RALGAPB: variants seen among roughly 807,000 people sequenced by gnomAD.
RALGAPB encodes Ral GTPase activating protein non-catalytic subunit beta.
RALGAPB carries 25 observed loss-of-function variants against 161.1 expected under a neutral mutation model. The observed-to-expected ratio is 0.16, with a 90% CI of 0.11 to 0.22. RALGAPB has a LOEUF of 0.22. Ranked by LOEUF, RALGAPB falls within the 10% of genes least tolerant of loss-of-function variation. The probability of loss-of-function intolerance (pLI) is 1.00; values close to 1 mark genes in which losing one functional copy is unlikely to be tolerated. For synonymous variants in RALGAPB, 629 were observed against 626.1 expected (o/e 1.00, Z -0.07); for missense variants, 1,391 against 1,815.2 (o/e 0.77, Z 4.25).
In RALGAPB at chr20:38,525,991, A is replaced by G; in HGVS notation, c.1999A>G (p.Ile667Val). Residue 667 changes from isoleucine to valine, a missense_variant, in exon 13 of 30, where the codon ATA (isoleucine) becomes GTA (valine). Transcript: ENST00000262879. ...GAAGTTGAGACTTGTGAATATATTAATAGGTGCCTTGCAAACTGAAACGGA... is the reference window on the plus strand; with the variant it reads ...GAAGTTGAGACTTGTGAATATATTAGTAGGTGCCTTGCAAACTGAAACGGA... ...SLKLRLVNILIGALQTETDPN... is the reference protein window; with the variant it reads ...SLKLRLVNILVGALQTETDPN... 1 of 1,613,972 alleles carries G rather than the reference A, an allele frequency of 6.2e-7. No homozygotes were observed. The highest frequency in any genetic ancestry group is 8.5e-7 in the Non-Finnish European group (1 of 1,179,870).
intron 25 of RALGAPB, among the ~76,000 whole-genome samples, chr20:38,565,821 A>G (rs1402514729): frequency 2.6e-5 from 4 of 152,120 alleles, no homozygotes; most frequent in African/African-American, 7.2e-5. Context: ...TTCTATTCCC[A>G]TATGAGAGCC....
At chr20:38,555,964 T>C (rs903573824) in intron 22 of RALGAPB, among the ~76,000 whole-genome samples, 1 of 152,130 alleles carries the variant, frequency 6.6e-6, no homozygotes, top group African/African-American at 2.4e-5. Flanking sequence ...TCCCAGGAAC[T>C]TAGCAATTAA....
intron 1 of RALGAPB, among the ~76,000 whole-genome samples, chr20:38,486,811 T>C (rs1391523545): frequency 6.6e-6 from 1 of 152,242 alleles, no homozygotes; most frequent in South Asian, 2.1e-4. Flanking sequence ...GGACACACTT[T>C]AGTGGAATAG....
intron 23 of RALGAPB, among the ~76,000 whole-genome samples, chr20:38,560,395 A>C (rs1157442328): frequency 6.6e-6 from 1 of 152,210 alleles, no homozygotes; most frequent in South Asian, 2.1e-4. Context: ...GTAGGTAAGG[A>C]GGTAGAAGCA....
intron 28 of RALGAPB, among the ~76,000 whole-genome samples, chr20:38,571,612 G>A (rs992668739): frequency 3.3e-5 from 5 of 152,182 alleles, no homozygotes; most frequent in Admixed American, 2.6e-4. Context: ...TCCATTGATG[G>A]ATATTTAGGT....
chr20:38,503,598 C>T (rs149307992), intron 5 of RALGAPB, among the ~76,000 whole-genome samples: 1 of 152,282 alleles, frequency 6.6e-6, no homozygotes, highest in South Asian at 2.1e-4. Context: ...GTGGAATCTA[C>T]TCCTGGTATA....
Position 38,578,069 on chromosome 20 carries a change from TAAAAA to T in RALGAPB, c.*3105_*3109del, listed in dbSNP as rs1000146833. 6.6e-6 allele frequency: 1 copy of T among 151,502 alleles called. No individual in the cohort carries two copies. Among genetic ancestry groups the T allele is most frequent in the Non-Finnish European group, 1.5e-5 (1 of 67,988 alleles). The allele number at this position is 151,502 out of a possible 1,614,324, so 9.4% of individuals were successfully genotyped here. A position where few individuals can be genotyped will look rare whatever the true frequency, so the allele number is the denominator to read the frequency against. ...TAAAAATAAATAAATAAATAAATAA[TAAAAA>T]AAGAAACATGTATTGGAGGTAATTT... On this transcript the variant is annotated 3_prime_UTR_variant, in exon 30 of 30. Transcript: ENST00000262879.
chr20:38,546,183 A>G, intron 18 of RALGAPB, 60 bp from the exon 19 acceptor site: 2 of 1,606,854 alleles, frequency 1.2e-6, no homozygotes, highest in South Asian at 1.1e-5. Flanking sequence ...ACATTGATGC[A>G]CAAGGTAAAC....
chr20:38,540,973 G>C, intron 17 of RALGAPB, 68 bp from the exon 18 acceptor site: 1 of 1,544,390 alleles, frequency 6.5e-7, no homozygotes, highest in South Asian at 1.2e-5. Flanking sequence ...TTAGCATTTG[G>C]ATGGATTTCC....
At chr20:38,504,707 A>G (rs2085700966) in intron 5 of RALGAPB, among the ~76,000 whole-genome samples, 1 of 152,244 alleles carries the variant, frequency 6.6e-6, no homozygotes, top group Non-Finnish European at 1.5e-5. Context: ...TCCAGAATCT[A>G]TAAGGAACTT....
Position 38,546,439 on chromosome 20 carries a change from A to G in RALGAPB, c.2902+9A>G, listed in dbSNP as rs771735597. 18 of 1,613,790 alleles carry G rather than the reference A, an allele frequency of 1.1e-5. No individual in the cohort carries two copies. The highest frequency in any genetic ancestry group is 2.7e-5 in the African/African-American group (2 of 74,906). On this transcript the variant is annotated intron_variant, in intron 19 of 29. Transcript: ENST00000262879. The stretch of plus-strand genomic sequence containing the variant: ...TCTTGGAAATGAGCAGAGTAAGTTT[A>G]TAGTACTTTGAGCCTTCTCTACTGC...
intron 1 of RALGAPB, among the ~76,000 whole-genome samples, chr20:38,479,941 A>G (rs143481791): frequency 1.8e-4 from 28 of 151,500 alleles, no homozygotes; most frequent in African/African-American, 6.0e-4. Context: ...ATGGAAATTT[A>G]GTTCCCGATG....
chr20:38,560,996 A>T (rs1267665497), intron 23 of RALGAPB, among the ~76,000 whole-genome samples: 1 of 152,246 alleles, frequency 6.6e-6, no homozygotes, highest in Non-Finnish European at 1.5e-5. Context: ...AAGAATGTGA[A>T]GGGATATGGG....
Position 38,482,925 on chromosome 20 carries a change from C to G in RALGAPB, c.-30-5478C>G, listed in dbSNP as rs142596993. On this transcript the variant is annotated intron_variant, in intron 1 of 29. Coordinates refer to ENST00000262879, the MANE Select transcript of RALGAPB (RefSeq NM_020336.4). ...TTTAGACAGAGTCCCGCTCTGTAGC[C>G]CAGGCTGGAGTGAGTGAAGTGGCAC... Among the ~76,000 whole-genome samples the G allele has an allele frequency of 6.4e-3, 971 of 152,234 alleles. 5 individuals carry two copies. Among genetic ancestry groups the G allele is most frequent in the Non-Finnish European group, 0.011 (761 of 68,014 alleles).
chr20:38,541,561 T>C (rs1281216481), intron 18 of RALGAPB, among the ~76,000 whole-genome samples: 1 of 152,236 alleles, frequency 6.6e-6, no homozygotes, highest in Non-Finnish European at 1.5e-5. Flanking sequence ...CAGTGGTCTG[T>C]ATTCTCTGCT....
At chr20:38,488,643 C>A in intron 2 of RALGAPB, 25 bp downstream of exon 2, 1 of 1,578,460 alleles carries the variant, frequency 6.3e-7, no homozygotes, top group South Asian at 1.1e-5. Flanking sequence ...ATTTCATTCT[C>A]TTATATGAAA....
At chr20:38,490,011 CTTT>C (rs1279117242) in intron 2 of RALGAPB, among the ~76,000 whole-genome samples, 4 of 140,582 alleles carry the variant, frequency 2.8e-5, no homozygotes, top group Admixed American at 7.1e-5. Flanking sequence ...TGGAATTATA[CTTT>C]TTTTTTTTTT....
At chr20:38,574,112 C>A in intron 28 of RALGAPB, 38 bp from the exon 29 acceptor site, 1 of 1,572,962 alleles carries the variant, frequency 6.4e-7, no homozygotes, top group Non-Finnish European at 8.6e-7. Flanking sequence ...GGGACTTCAA[C>A]TCTTGGGTGT....
At position 38,565,431 on chromosome 20, in the gene RALGAPB, C is replaced by T. The variant is rs745610635; in HGVS notation, c.3770C>T (p.Ala1257Val). ...GQKKVLYYAD[A>V]LTEIAFVVPS... ...AAGAAGGTGCTGTATTATGCTGATG[C>T]CCTTACAGAAATTGCTTTTGTGGTT... Residue 1257 changes from alanine to valine, a missense_variant, in exon 25 of 30, where the codon GCC becomes GTC. Transcript: ENST00000262879. 6.2e-7 allele frequency: 1 copy of T among 1,613,350 alleles called. No individual in the cohort carries two copies. The highest frequency in any genetic ancestry group is 1.1e-5 in the South Asian group (1 of 91,040).
Sources: gnomAD v4.1 joint callset for allele counts (sites outside exome capture counted in the v4.1 genomes callset) on GRCh38, gnomAD v4.1.1 for gene constraint, MANE v1.5 for transcripts, NCBI Gene and HGNC (gene_info 2026-07-23, HGNC 2026-07-21) for gene names.